LITAF: variants seen among roughly 807,000 people sequenced by gnomAD.
The protein encoded by LITAF is lipopolysaccharide-induced tumor necrosis factor-alpha factor.
LITAF carries 9 observed loss-of-function variants against 14.5 expected under a neutral mutation model. The observed-to-expected ratio is 0.62, with a 90% CI of 0.37 to 1.08. The LOEUF is 1.08. Among genes scored for constraint, LITAF ranks in the 50% least tolerant of loss-of-function variants. The probability of loss-of-function intolerance (pLI) is 0.01; values close to 1 mark genes in which losing one functional copy is unlikely to be tolerated. For missense variants in LITAF, 206 were observed against 213.4 expected (o/e 0.97, Z 0.22); for synonymous variants, 98 against 88.2 (o/e 1.11, Z -0.62).
intron 3 of LITAF, among the ~76,000 whole-genome samples, chr16:11,618,692 A>AC (rs1215252990): frequency 6.8e-6 from 1 of 147,934 alleles, no homozygotes; most frequent in Non-Finnish European, 1.5e-5. Flanking sequence ...CAAATTAAAA[A>AC]CCCCCGCACT....
intron 3 of LITAF, among the ~76,000 whole-genome samples, chr16:11,629,600 C>T (rs116712332): frequency 0.014 from 2,155 of 152,262 alleles, 43 homozygotes; most frequent in African/African-American, 0.048. Context: ...CGGCCACACT[C>T]GAAGCAGCCG....
chr16:11,580,400 G>A (rs2064713781), intron 1 of LITAF, among the ~76,000 whole-genome samples: 1 of 152,062 alleles, frequency 6.6e-6, no homozygotes, highest in South Asian at 2.1e-4. Context: ...TGGGATTACA[G>A]ATGCCCACCA....
chr16:11,566,681 T>C (rs1278057158), intron 1 of LITAF, among the ~76,000 whole-genome samples: 1 of 151,966 alleles, frequency 6.6e-6, no homozygotes, highest in Non-Finnish European at 1.5e-5. Context: ...GGAGGATCCC[T>C]CGATCACTTG....
At chr16:11,555,846 G>A (rs1174345634) in intron 2 of LITAF, among the ~76,000 whole-genome samples, 1 of 152,098 alleles carries the variant, frequency 6.6e-6, no homozygotes, top group Non-Finnish European at 1.5e-5. Context: ...ACAACTCACT[G>A]ATATTTATAA....
chr16:11,588,542 GAAGA>G (rs1481518562), upstream of LITAF, among the ~76,000 whole-genome samples: 3 of 73,958 alleles, frequency 4.1e-5, no homozygotes, highest in African/African-American at 7.6e-5. Flanking sequence ...GAAAGAAAAA[GAAGA>G]AAGAAAGAGA....
chr16:11,550,708 C>G (rs1315724384), intron 3 of LITAF, among the ~76,000 whole-genome samples: 1 of 152,104 alleles, frequency 6.6e-6, no homozygotes, highest in Non-Finnish European at 1.5e-5. Context: ...GTTGCACAGG[C>G]TGGTCTTGAA....
chr16:11,587,450 GC>G (rs1567255150), upstream of LITAF: 1 of 453,990 alleles, frequency 2.2e-6, no homozygotes, highest in East Asian at 7.0e-5. Flanking sequence ...GTGCCTTCGG[GC>G]ATGTTACCCA....
At chr16:11,608,896 G>C (rs951802446) in intron 3 of LITAF, among the ~76,000 whole-genome samples, 1 of 152,068 alleles carries the variant, frequency 6.6e-6, no homozygotes, top group Non-Finnish European at 1.5e-5. Context: ...TCAGGAGGCA[G>C]AGGTTGTAGT....
intron 3 of LITAF, among the ~76,000 whole-genome samples, chr16:11,550,004 C>T (rs2064160367): frequency 6.6e-6 from 1 of 152,076 alleles, no homozygotes; most frequent in African/African-American, 2.4e-5. Context: ...AGTGATGAGG[C>T]CATAAGCCAA....
At chr16:11,615,452 G>A (rs540047774) in intron 3 of LITAF, among the ~76,000 whole-genome samples, 4 of 152,104 alleles carry the variant, frequency 2.6e-5, no homozygotes, top group East Asian at 1.9e-4. Flanking sequence ...CAGGAGAATC[G>A]CTTGAACCTG....
intron 1 of LITAF, among the ~76,000 whole-genome samples, chr16:11,578,089 G>C (rs950990735): frequency 6.6e-6 from 1 of 152,002 alleles, no homozygotes; most frequent in South Asian, 2.1e-4. Context: ...ATAGAGATGG[G>C]GGTCTCAATA....
intron 1 of LITAF, among the ~76,000 whole-genome samples, chr16:11,595,114 C>T (rs1258332046): frequency 1.3e-5 from 2 of 152,160 alleles, no homozygotes; most frequent in African/African-American, 4.8e-5. Flanking sequence ...TACCCATTAA[C>T]GACCAATTCC....
intron 3 of LITAF, among the ~76,000 whole-genome samples, chr16:11,626,598 A>G (rs759441141): frequency 2.0e-5 from 3 of 151,972 alleles, no homozygotes; most frequent in Non-Finnish European, 4.4e-5. Context: ...TCGGCCTCCC[A>G]AAGTGCTGGG....
intron 3 of LITAF, among the ~76,000 whole-genome samples, chr16:11,622,907 C>T (rs138404124): frequency 2.0e-5 from 3 of 150,936 alleles, no homozygotes; most frequent in African/African-American, 7.3e-5. Context: ...TTCATTTAAT[C>T]GTCATCATGA....
intron 1 of LITAF, among the ~76,000 whole-genome samples, chr16:11,576,664 C>T (rs187676202): frequency 2.2e-4 from 34 of 152,044 alleles, no homozygotes; most frequent in African/African-American, 8.2e-4. Context: ...CTGATGGCGG[C>T]TCCATCCCAC....
In LITAF at chr16:11,550,343, G is replaced by A. The variant is rs1030956374; in HGVS notation, c.378-598C>T. ...GACCTCAAGTGATCCACCCGCCTTG[G>A]CCTCCCCAAGTGCTGGGATTACAGG... On this transcript the variant is annotated intron_variant, in intron 3 of 3. Transcript: ENST00000622633. Among the ~76,000 whole-genome samples the A allele has an allele frequency of 3.9e-5, 6 of 152,154 alleles. No homozygotes were observed. The South Asian group carries it at 6.2e-4, about 16-fold the overall frequency.
chr16:11,639,304 G>A (rs1050884425), upstream of LITAF, among the ~76,000 whole-genome samples: 1 of 151,854 alleles, frequency 6.6e-6, no homozygotes, highest in Non-Finnish European at 1.5e-5. Flanking sequence ...TAGAGGGTGG[G>A]AGGGATAGAC....
At chr16:11,569,418 T>C (rs904774832) in intron 1 of LITAF, among the ~76,000 whole-genome samples, 7 of 152,120 alleles carry the variant, frequency 4.6e-5, no homozygotes, top group Non-Finnish European at 8.8e-5. Context: ...TTTTTAATTT[T>C]TTTTGTAGGG....
chr16:11,573,619 C>T (rs145910453), intron 1 of LITAF, among the ~76,000 whole-genome samples: 3 of 151,848 alleles, frequency 2.0e-5, no homozygotes, highest in African/African-American at 7.2e-5. Flanking sequence ...CAATCACCAC[C>T]AAGATATACT....
Sources: gnomAD v4.1 joint callset for allele counts (sites outside exome capture counted in the v4.1 genomes callset) on GRCh38, gnomAD v4.1.1 for gene constraint, MANE v1.5 for transcripts, NCBI Gene and HGNC (gene_info 2026-07-23, HGNC 2026-07-21) for gene names.